Variants in SCHIP1 observed in about 807,000 individuals in gnomAD.
The protein encoded by SCHIP1 is schwannomin-interacting protein 1.
SCHIP1 carries 8 observed loss-of-function variants against 29.7 expected under a neutral mutation model. The observed-to-expected ratio is 0.27, with a 90% CI of 0.16 to 0.49. The LOEUF (loss-of-function observed/expected upper bound fraction) is 0.49, where lower values mean the gene tolerates loss of function less well. Among genes scored for constraint, SCHIP1 ranks in the 20% least tolerant of loss-of-function variants. The pLI is 0.99. For missense variants in SCHIP1, 193 were observed against 294.6 expected (o/e 0.66, Z 2.52); for synonymous variants, 76 against 94.9 (o/e 0.80, Z 1.16).
chr3:159,635,010 TACA>T, the SCHIP1 span, among the ~76,000 whole-genome samples: 1 of 152,116 alleles, frequency 6.6e-6, no homozygotes, highest in East Asian at 1.9e-4. Context: ...CAGCCCTGCT[TACA>T]ACCTTCGTCT....
the SCHIP1 span, among the ~76,000 whole-genome samples, chr3:159,376,779 C>G: frequency 6.6e-6 from 1 of 152,158 alleles, no homozygotes; most frequent in Non-Finnish European, 1.5e-5. Flanking sequence ...GGCCAGTGCA[C>G]CGCAGCTTAT....
the SCHIP1 span, among the ~76,000 whole-genome samples, chr3:159,468,283 G>A: frequency 6.6e-6 from 1 of 151,994 alleles, no homozygotes; most frequent in Middle Eastern, 3.2e-3. Flanking sequence ...AGCCCTCAAG[G>A]TATATATGTC....
the SCHIP1 span, among the ~76,000 whole-genome samples, chr3:159,734,712 A>G: frequency 4.0e-5 from 6 of 151,742 alleles, no homozygotes; most frequent in Non-Finnish European, 7.4e-5. Flanking sequence ...AAAAAGAATG[A>G]ATGTTAATTA....
chr3:159,514,583 T>G, the SCHIP1 span, among the ~76,000 whole-genome samples: 1 of 152,244 alleles, frequency 6.6e-6, no homozygotes, highest in African/African-American at 2.4e-5. Context: ...TTTTCTTATT[T>G]GATTTCTCTG....
the SCHIP1 span, among the ~76,000 whole-genome samples, chr3:159,773,309 A>G: frequency 6.6e-6 from 1 of 152,210 alleles, no homozygotes; most frequent in African/African-American, 2.4e-5. Flanking sequence ...ATAGAAGGGT[A>G]ATAGGATTTT....
chr3:159,850,542 C>CAAAAAAAAAAAA (rs61224003), intron 1 of SCHIP1, among the ~76,000 whole-genome samples: 1 of 104,938 alleles, frequency 9.5e-6, no homozygotes, highest in Admixed American at 1.0e-4. Context: ...GATTCCATCT[C>CAAAAAAAAAAAA]AAAAAAAAAA....
chr3:159,665,667 C>G, the SCHIP1 span, among the ~76,000 whole-genome samples: 11 of 152,184 alleles, frequency 7.2e-5, no homozygotes, highest in Non-Finnish European at 1.5e-4. Context: ...CAGGACTTCC[C>G]TTGCCACTGA....
the SCHIP1 span, among the ~76,000 whole-genome samples, chr3:159,736,682 G>A: frequency 1.3e-5 from 2 of 151,746 alleles, no homozygotes; most frequent in Non-Finnish European, 2.9e-5. Flanking sequence ...CCTGCACCGG[G>A]GCTGCACTGG....
At chr3:159,274,136 G>T in the SCHIP1 span, 2 of 985,116 alleles carry the variant, frequency 2.0e-6, no homozygotes, top group African/African-American at 3.5e-5. Flanking sequence ...GTTCTTTTTT[G>T]TAGTGCACCA....
chr3:159,882,868 C>T (rs577151092), intron 2 of SCHIP1, among the ~76,000 whole-genome samples: 20 of 152,326 alleles, frequency 1.3e-4, no homozygotes, highest in Non-Finnish European at 2.6e-4. Flanking sequence ...TGCAGCCTCC[C>T]GACCAAGTGC....
the SCHIP1 span, among the ~76,000 whole-genome samples, chr3:159,287,343 T>G: frequency 1.7e-4 from 26 of 151,838 alleles, no homozygotes; most frequent in African/African-American, 6.3e-4. Flanking sequence ...ACAAAAAATC[T>G]TTATATACTT....
the SCHIP1 span, among the ~76,000 whole-genome samples, chr3:159,367,829 A>G: frequency 6.6e-6 from 1 of 152,218 alleles, no homozygotes; most frequent in East Asian, 1.9e-4. Flanking sequence ...TATTCAAATA[A>G]CAATATAAAG....
At chr3:159,366,028 A>G in the SCHIP1 span, among the ~76,000 whole-genome samples, 5 of 152,220 alleles carry the variant, frequency 3.3e-5, no homozygotes, top group Admixed American at 2.6e-4. Flanking sequence ...TATAAAGGAG[A>G]GAAGTTTAAT....
At chr3:159,325,750 C>T in the SCHIP1 span, among the ~76,000 whole-genome samples, 1 of 152,026 alleles carries the variant, frequency 6.6e-6, no homozygotes, top group Non-Finnish European at 1.5e-5. Context: ...AATTGCTCTC[C>T]TACTCAAGAA....
chr3:159,866,358 C>T, intron 2 of SCHIP1, 77 bp downstream of exon 3: 1 of 1,359,024 alleles, frequency 7.4e-7, no homozygotes, highest in Non-Finnish European at 1.0e-6. Context: ...TAAAAAAAAG[C>T]CTTTAAATCT....
At position 159,868,744 on chromosome 3, in the gene SCHIP1, T is replaced by C. The variant is rs543779967; in HGVS notation, c.149+2463T>C. ...TCAAAGGTTTTGCTCTTGTAAACAATGCTACGTATAAACATTCTTGTATAT... is the reference window on the plus strand; with the variant it reads ...TCAAAGGTTTTGCTCTTGTAAACAACGCTACGTATAAACATTCTTGTATAT... On this transcript the variant is annotated intron_variant, in intron 2 of 6. Coordinates refer to ENST00000445224, the Ensembl canonical transcript of SCHIP1. Among the ~76,000 whole-genome samples the C allele has an allele frequency of 3.3e-5, 5 of 152,212 alleles. No homozygotes were observed. In the South Asian group the frequency reaches 8.3e-4, roughly 25 times the overall value.
At chr3:159,829,372 A>T in the SCHIP1 span, among the ~76,000 whole-genome samples, 1 of 152,146 alleles carries the variant, frequency 6.6e-6, no homozygotes, top group African/African-American at 2.4e-5. Flanking sequence ...GCGGCTAAAC[A>T]TCTCATCCCC....
At chr3:159,790,913 T>A in the SCHIP1 span, among the ~76,000 whole-genome samples, 1 of 152,184 alleles carries the variant, frequency 6.6e-6, no homozygotes, top group Non-Finnish European at 1.5e-5. Flanking sequence ...GTGAAAAAGT[T>A]GTGTTTATGT....
chr3:159,541,466 G>A, the SCHIP1 span, among the ~76,000 whole-genome samples: 1 of 152,004 alleles, frequency 6.6e-6, no homozygotes, highest in Admixed American at 6.6e-5. Flanking sequence ...TTACCTCCCA[G>A]AGAGCAGTTA....
Sources: gnomAD v4.1 joint callset for allele counts (sites outside exome capture counted in the v4.1 genomes callset) on GRCh38, gnomAD v4.1.1 for gene constraint, MANE v1.5 for transcripts, NCBI Gene and HGNC (gene_info 2026-07-23, HGNC 2026-07-21) for gene names.